SPATS2: variants seen among roughly 807,000 people sequenced by gnomAD.
The protein encoded by SPATS2 is spermatogenesis-associated serine-rich protein 2.
A neutral mutation model predicts 63.7 loss-of-function variants in SPATS2; 38 were observed. The ratio of observed to expected loss-of-function variants is 0.60; its 90% CI spans 0.46 to 0.78. SPATS2 has a LOEUF of 0.78. SPATS2 is among the 30% of genes least tolerant of loss of function. The pLI, the probability that SPATS2 is intolerant of heterozygous loss-of-function variation, is 0.00. For missense variants in SPATS2, 588 were observed against 666.2 expected (o/e 0.88, Z 1.29); for synonymous variants, 207 against 232.9 (o/e 0.89, Z 1.01).
chr12:49,432,804 A>AT (rs1474359990), intron 2 of SPATS2, among the ~76,000 whole-genome samples: 1 of 152,076 alleles, frequency 6.6e-6, no homozygotes, highest in Non-Finnish European at 1.5e-5. Flanking sequence ...TATATACCAC[A>AT]TTTTATCTAT....
chr12:49,390,231 A>G (rs1338962810), intron 2 of SPATS2: 1 of 907,902 alleles, frequency 1.1e-6, no homozygotes, highest in African/African-American at 1.7e-5. Context: ...TGAATGAATG[A>G]ACAGAAAATT....
chr12:49,416,869 A>T (rs1056405273), intron 2 of SPATS2, among the ~76,000 whole-genome samples: 1 of 152,118 alleles, frequency 6.6e-6, no homozygotes, highest in Non-Finnish European at 1.5e-5. Flanking sequence ...ATGAGACTCT[A>T]CCTTTTGATG....
Position 49,494,609 on chromosome 12 carries a change from A to G in SPATS2, c.265-132A>G, listed in dbSNP as rs1946434221. 5.5e-6 allele frequency: 5 copies of G among 913,192 alleles called. No homozygotes were observed. In the East Asian group the frequency reaches 8.3e-5, roughly 15 times the overall value. The allele number at this position is 913,192 out of a possible 1,614,324, so 56.6% of individuals were successfully genotyped here. A position where few individuals can be genotyped will look rare whatever the true frequency, so the allele number is the denominator to read the frequency against. On this transcript the variant is annotated intron_variant, in intron 6 of 13. Transcript: ENST00000552918. ...GCAATAGTTCAGCATATGTGAAAAT[A>G]TTAAATTTCTGAAAGAACATACAAG...
chr12:49,489,604 T>C, intron 5 of SPATS2, 31 bp downstream of exon 5: 2 of 1,568,502 alleles, frequency 1.3e-6, no homozygotes, highest in Non-Finnish European at 8.7e-7. Context: ...AAAATAAATT[T>C]ATATTTGCTC....
At chr12:49,411,453 A>G (rs1232463152) in intron 2 of SPATS2, among the ~76,000 whole-genome samples, 3 of 152,204 alleles carry the variant, frequency 2.0e-5, no homozygotes, top group Non-Finnish European at 2.9e-5. Flanking sequence ...ATAATCTACC[A>G]TGAGTAAATA....
intron 2 of SPATS2, among the ~76,000 whole-genome samples, chr12:49,374,926 A>T (rs1184321438): frequency 7.5e-6 from 1 of 133,506 alleles, no homozygotes; most frequent in Non-Finnish European, 1.5e-5. Flanking sequence ...GTGCCACTGC[A>T]TTCCAGCCTG....
At chr12:49,523,822 G>T (rs1050628889) in intron 12 of SPATS2, among the ~76,000 whole-genome samples, 1 of 151,930 alleles carries the variant, frequency 6.6e-6, no homozygotes, top group Non-Finnish European at 1.5e-5. Flanking sequence ...AGTGGTGGTG[G>T]GTGCCTGTAG....
At position 49,489,702 on chromosome 12, in the gene SPATS2, C is replaced by G. The variant is rs1946352507; in HGVS notation, c.214+129C>G. The G allele has an allele frequency of 5.1e-5, 35 of 689,234 alleles. No homozygotes were observed. The South Asian group carries it at 6.8e-4, about 13-fold the overall frequency. 42.7% of individuals were successfully genotyped at this position (689,234 alleles called of 1,614,324 possible). ...CAGACCCCATGAAAACATAACATACCATGACATTTGACGATACCTCTTTCA... is the reference window on the plus strand; with the variant it reads ...CAGACCCCATGAAAACATAACATACGATGACATTTGACGATACCTCTTTCA... On this transcript the variant is annotated intron_variant, in intron 5 of 13. Transcript: ENST00000552918.
chr12:49,517,433 T>C (rs956112511), intron 10 of SPATS2, among the ~76,000 whole-genome samples: 2 of 152,248 alleles, frequency 1.3e-5, no homozygotes, highest in Non-Finnish European at 2.9e-5. Flanking sequence ...GACGTGAATT[T>C]GGCTAATTCC....
At chr12:49,398,242 G>A (rs1176170084) in intron 2 of SPATS2, among the ~76,000 whole-genome samples, 2 of 151,866 alleles carry the variant, frequency 1.3e-5, no homozygotes, top group East Asian at 3.8e-4. Flanking sequence ...CCAGACTAGG[G>A]CCAGTTCATA....
chr12:49,515,010 C>T (rs1946814810), intron 10 of SPATS2, among the ~76,000 whole-genome samples: 1 of 152,138 alleles, frequency 6.6e-6, no homozygotes, highest in Admixed American at 6.5e-5. Context: ...GTGTATACTC[C>T]TATCATTACC....
chr12:49,424,591 T>G (rs1475648454), intron 2 of SPATS2, among the ~76,000 whole-genome samples: 1 of 152,230 alleles, frequency 6.6e-6, no homozygotes, highest in African/African-American at 2.4e-5. Flanking sequence ...CTGTTACTAT[T>G]ATATCTTATA....
intron 2 of SPATS2, among the ~76,000 whole-genome samples, chr12:49,377,959 CATTTT>C (rs1474968328): frequency 6.6e-6 from 1 of 151,956 alleles, no homozygotes; most frequent in East Asian, 1.9e-4. Flanking sequence ...ATGATTGTTG[CATTTT>C]GTTTTATTTT....
At chr12:49,489,634 CT>C in intron 5 of SPATS2, 61 bp downstream of exon 5, 2 of 1,414,654 alleles carry the variant, frequency 1.4e-6, no homozygotes, top group Non-Finnish European at 2.0e-6. Flanking sequence ...TTGCTTCAGA[CT>C]TTTATAACAT....
chr12:49,485,511 A>G (rs1206978892), intron 4 of SPATS2, among the ~76,000 whole-genome samples: 1 of 150,336 alleles, frequency 6.7e-6, no homozygotes, highest in Non-Finnish European at 1.5e-5. Context: ...ACAGGCGTGC[A>G]TCATCACGCC....
chr12:49,437,088 C>G (rs1048302162), intron 2 of SPATS2, among the ~76,000 whole-genome samples: 9 of 151,608 alleles, frequency 5.9e-5, no homozygotes, highest in African/African-American at 2.2e-4. Context: ...GGCTGCCGGG[C>G]GGAGGGGCTC....
chr12:49,484,617 A>T lies in SPATS2; in HGVS notation c.53A>T (p.Gln18Leu), dbSNP rs1486203361. The change falls in exon 4 of 14, where the codon CAG (glutamine) becomes CTG (leucine). Residue 18 changes from glutamine to leucine, a missense_variant. Transcript: ENST00000552918. ...KDSSGFIFDL[Q>L]SNTVLAQGGA... is the part of the protein sequence containing the mutation. Reference sequence around the variant, plus strand: ...TCATCAGGATTCATTTTTGATTTGCAGTCCAATACCGTACTGGCCCAGGGA... The same window carrying T: ...TCATCAGGATTCATTTTTGATTTGCTGTCCAATACCGTACTGGCCCAGGGA... 1 of 1,613,972 alleles carries T rather than the reference A, an allele frequency of 6.2e-7. No individual in the cohort carries two copies.
intron 2 of SPATS2, among the ~76,000 whole-genome samples, chr12:49,424,203 A>AAAAC (rs556788594): frequency 3.4e-3 from 513 of 152,216 alleles, no homozygotes; most frequent in Middle Eastern, 6.8e-3. Context: ...ACTCTGTCTC[A>AAAAC]AAACAAACAA....
chr12:49,522,868 G>C lies in SPATS2; in HGVS notation c.1111+15G>C, dbSNP rs1946965788. On this transcript the variant is annotated intron_variant, in intron 12 of 13. Transcript: ENST00000552918. Reference sequence around the variant, plus strand: ...ATTTGGACAAGGTGAGATGGTGAGAGGGTCTGGGCACTACAGGTGGTGATT... The same window carrying C: ...ATTTGGACAAGGTGAGATGGTGAGACGGTCTGGGCACTACAGGTGGTGATT... 4 of 1,605,502 alleles carry C rather than the reference G, an allele frequency of 2.5e-6. No homozygotes were observed. Among genetic ancestry groups the C allele is most frequent in the African/African-American group, 1.3e-5 (1 of 74,686 alleles).
Sources: gnomAD v4.1 joint callset for allele counts (sites outside exome capture counted in the v4.1 genomes callset) on GRCh38, gnomAD v4.1.1 for gene constraint, MANE v1.5 for transcripts, NCBI Gene and HGNC (gene_info 2026-07-23, HGNC 2026-07-21) for gene names.